The following KSR1 variants were observed in gnomAD, a reference collection of about 807,000 sequenced individuals.
KSR1 encodes kinase suppressor of ras 1.
In KSR1, 35 loss-of-function variants were observed where a neutral mutation model predicts 92.9. The observed-to-expected ratio is 0.38, with a 90% CI of 0.29 to 0.50. The LOEUF (loss-of-function observed/expected upper bound fraction) is 0.50, where lower values mean the gene tolerates loss of function less well. Among genes scored for constraint, KSR1 ranks in the 20% least tolerant of loss-of-function variants. The pLI, the probability that KSR1 is intolerant of heterozygous loss-of-function variation, is 0.94. For synonymous variants in KSR1, 467 were observed against 472.6 expected (o/e 0.99, Z 0.15); for missense variants, 972 against 1,158.5 (o/e 0.84, Z 2.34).
In KSR1 at chr17:27,456,475, C is replaced by T. The variant is rs1279379823; in HGVS notation, c.-169C>T. The T allele has an allele frequency of 7.8e-6, 3 of 386,780 alleles. No individual in the cohort carries two copies. The highest frequency in any genetic ancestry group is 1.4e-5 in the Non-Finnish European group (3 of 220,584). 24.0% of individuals were successfully genotyped at this position (386,780 alleles called of 1,614,324 possible). ...CGCCGCGGCTTTCGCTTTGCTGCCG[C>T]GGCTGGGAGGGTGGAAGCGGCAGAC... is the stretch of plus-strand genomic sequence containing the variant. On this transcript the variant is annotated 5_prime_UTR_variant, in exon 1 of 21. Transcript: ENST00000644974.
At chr17:27,601,264 C>A in intron 10 of KSR1, 96 bp from the exon 11 acceptor site, 1 of 1,079,602 alleles carries the variant, frequency 9.3e-7, no homozygotes. Context: ...AGCCCAGTAA[C>A]AAGTCCCTGC....
At chr17:27,585,102 A>G (rs1205805332) in intron 4 of KSR1, among the ~76,000 whole-genome samples, 3 of 151,978 alleles carry the variant, frequency 2.0e-5, no homozygotes, top group South Asian at 2.1e-4. Context: ...ACACCTGGCT[A>G]ATTTTTGTAT....
At chr17:27,604,407 C>G (rs554330038) in intron 12 of KSR1, among the ~76,000 whole-genome samples, 11 of 152,300 alleles carry the variant, frequency 7.2e-5, no homozygotes, top group African/African-American at 2.6e-4. Context: ...CCCTGTGTAG[C>G]AGTGTCACAT....
chr17:27,503,427 G>T (rs1171005957), intron 1 of KSR1, among the ~76,000 whole-genome samples: 1 of 152,166 alleles, frequency 6.6e-6, no homozygotes. Context: ...ATCTAGGCCG[G>T]GTGGCTCCTG....
At chr17:27,526,080 CTT>C (rs2070277769) in intron 1 of KSR1, among the ~76,000 whole-genome samples, 6 of 72,644 alleles carry the variant, frequency 8.3e-5, no homozygotes, top group African/African-American at 3.4e-4. Context: ...CTCTTTCTTT[CTT>C]TCTTTCTTTC....
chr17:27,623,142 C>T (rs1462415183), intron 20 of KSR1, 172 bp from the exon 21 acceptor site: 40 of 641,442 alleles, frequency 6.2e-5, no homozygotes, highest in Non-Finnish European at 1.0e-4. Flanking sequence ...GTAGCTGAGG[C>T]CTTGGACGCA....
rs1465411081 is a variant in KSR1, at chr17:27,459,086, A to C, written c.231+2212A>C. ...AGTTTATTAGAAGAATCTTTGCCAT[A>C]GGAGCAGCGTGGTGAATAGGAAGCC... On this transcript the variant is annotated intron_variant, in intron 1 of 20. Transcript: ENST00000644974. The surrounding 1 kb of genome is among the most constrained non-coding windows in gnomAD (Gnocchi z 4.6). 6.6e-6 allele frequency among the ~76,000 whole-genome samples: 1 copy of C among 152,186 alleles called. No individual in the cohort carries two copies. Among genetic ancestry groups the C allele is most frequent in the East Asian group, 1.9e-4 (1 of 5,190 alleles).
intron 1 of KSR1, among the ~76,000 whole-genome samples, chr17:27,461,206 G>C (rs1404081705): frequency 6.6e-6 from 1 of 152,118 alleles, no homozygotes; most frequent in Non-Finnish European, 1.5e-5. Context: ...CTTAGCTTCT[G>C]AGTAGCTGGG....
At chr17:27,470,736 C>T (rs765309901) in intron 1 of KSR1, among the ~76,000 whole-genome samples, 1 of 152,140 alleles carries the variant, frequency 6.6e-6, no homozygotes, top group Non-Finnish European at 1.5e-5. Flanking sequence ...GGGTAAGTAT[C>T]TCATATTTTT....
intron 1 of KSR1, among the ~76,000 whole-genome samples, chr17:27,534,007 C>T (rs2070657811): frequency 6.6e-6 from 1 of 152,216 alleles, no homozygotes; most frequent in African/African-American, 2.4e-5. Flanking sequence ...CTATCCAGGT[C>T]TGGAGAGTAG....
At chr17:27,580,863 T>C (rs764844827) in intron 3 of KSR1, among the ~76,000 whole-genome samples, 3 of 151,956 alleles carry the variant, frequency 2.0e-5, no homozygotes, top group African/African-American at 4.8e-5. Context: ...GCCTCCCGGG[T>C]TCAAGCGATT....
intron 6 of KSR1, 49 bp from the exon 7 acceptor site, chr17:27,590,762 C>T (rs780730887): frequency 6.5e-7 from 1 of 1,549,918 alleles, no homozygotes; most frequent in Non-Finnish European, 8.8e-7. Flanking sequence ...GTGGCTGGGC[C>T]TTGGCCTCCC....
rs374433220 is a variant in KSR1 at position 27,582,812 on chromosome 17, C to T, written c.687C>T (p.Ser229=). ...GNSAQGPRSI[S]VSALPASDSP... ...GCGCCCAGGGCCCACGCTCCATCTC[C>T]GTGTCAGCTCTGCCCGCCTCAGACT... The change falls in exon 4 of 21, where the codon TCC becomes TCT. Residue 229 remains serine, a synonymous_variant. Transcript: ENST00000644974. 17 of 1,613,438 alleles carry T rather than the reference C, an allele frequency of 1.1e-5. No individual in the cohort carries two copies. The African/African-American group carries it at 1.1e-4, about 10-fold the overall frequency.
intron 9 of KSR1, among the ~76,000 whole-genome samples, chr17:27,595,424 C>T (rs1050418463): frequency 3.9e-5 from 6 of 152,370 alleles, no homozygotes; most frequent in South Asian, 2.1e-4. Flanking sequence ...AGCGCAGTAA[C>T]GCTCTGACAT....
At chr17:27,620,031 G>A (rs575358062) in intron 19 of KSR1, among the ~76,000 whole-genome samples, 6 of 152,224 alleles carry the variant, frequency 3.9e-5, no homozygotes, top group Non-Finnish European at 8.8e-5. Flanking sequence ...ACCAAAGTGG[G>A]CCCCAAGCTG....
At position 27,597,413 on chromosome 17, in the gene KSR1, G is replaced by A. The variant is rs1386161590; in HGVS notation, c.1445G>A (p.Arg482Gln). 4 of 1,608,912 alleles carry A rather than the reference G, an allele frequency of 2.5e-6. No homozygotes were observed. The highest frequency in any genetic ancestry group is 1.7e-5 in the Admixed American group (1 of 59,752). The change falls in exon 10 of 21, where the codon CGG becomes CAG. Residue 482 changes from arginine (R) to glutamine (Q), a missense_variant. By Grantham distance (43) the Arg-to-Gln change is conservative. Transcript: ENST00000644974. Reference protein sequence around the residue: ...TTPPNPSPGQRDSRFNFPAAY... With the variant: ...TTPPNPSPGQQDSRFNFPAAY... ...CCCCCCAACCCCTCACCTGGCCAGCGGGACAGCAGGTTCAACTTCCCAGGT... is the reference window on the plus strand; with the variant it reads ...CCCCCCAACCCCTCACCTGGCCAGCAGGACAGCAGGTTCAACTTCCCAGGT...
At chr17:27,594,279 T>C (rs1221857144) in intron 9 of KSR1, among the ~76,000 whole-genome samples, 1 of 152,046 alleles carries the variant, frequency 6.6e-6, no homozygotes, top group Non-Finnish European at 1.5e-5. Flanking sequence ...CATCAACTAG[T>C]AATTATTTTC....
chr17:27,593,353 G>A (rs1454098117), intron 9 of KSR1, among the ~76,000 whole-genome samples: 1 of 152,252 alleles, frequency 6.6e-6, no homozygotes, highest in African/African-American at 2.4e-5. Context: ...GCTGGCTGCT[G>A]GGTGCAGGCT....
intron 1 of KSR1, among the ~76,000 whole-genome samples, chr17:27,486,903 G>A (rs547819882): frequency 2.1e-4 from 32 of 152,320 alleles, no homozygotes; most frequent in African/African-American, 5.5e-4. Flanking sequence ...GACCCTCTGC[G>A]CTGCAGTGTC....
Sources: allele counts gnomAD v4.1 joint callset (sites outside exome capture counted in the v4.1 genomes callset), GRCh38; gene constraint gnomAD v4.1.1; non-coding constraint Gnocchi (gnomAD v3.1); transcripts MANE v1.5; gene names NCBI Gene and HGNC (gene_info 2026-07-23, HGNC 2026-07-21).